The following XKR6 variants were observed in gnomAD, a reference collection of about 807,000 sequenced individuals.
The protein encoded by XKR6 is XK related 6, also known as XK-related protein 6.
A neutral mutation model predicts 56.7 loss-of-function variants in XKR6; 22 were observed. That is an observed-to-expected ratio of 0.39 (90% CI 0.28 to 0.55). The LOEUF (loss-of-function observed/expected upper bound fraction) is 0.55, where lower values mean the gene tolerates loss of function less well. Ranked by LOEUF, XKR6 falls within the 20% of genes least tolerant of loss-of-function variation. The pLI, the probability that XKR6 is intolerant of heterozygous loss-of-function variation, is 0.66. For missense variants in XKR6, 852 were observed against 889.0 expected (o/e 0.96, Z 0.53); for synonymous variants, 524 against 387.8 (o/e 1.35, Z -4.13).
chr8:11,008,272 A>G (rs1798418647), intron 1 of XKR6, among the ~76,000 whole-genome samples: 1 of 152,160 alleles, frequency 6.6e-6, no homozygotes, highest in Non-Finnish European at 1.5e-5. Context: ...ACATGATGCA[A>G]AAAGGCCCAA....
chr8:11,083,026 C>T (rs1384094591), intron 1 of XKR6, among the ~76,000 whole-genome samples: 2 of 152,352 alleles, frequency 1.3e-5, no homozygotes, highest in Middle Eastern at 6.8e-3. Context: ...CACAGCACTC[C>T]GTGTGCTTTA....
chr8:11,085,498 GC>G (rs1563126009), intron 1 of XKR6, among the ~76,000 whole-genome samples: 1 of 152,102 alleles, frequency 6.6e-6, no homozygotes, highest in Admixed American at 6.6e-5. Flanking sequence ...CTGTGCTTGT[GC>G]ATGCGTGGGC....
chr8:10,999,601 C>T (rs1798193021), intron 1 of XKR6, among the ~76,000 whole-genome samples: 1 of 152,194 alleles, frequency 6.6e-6, no homozygotes, highest in Non-Finnish European at 1.5e-5. Context: ...GGAGTATCCT[C>T]TCCTCCCATA....
At chr8:10,931,692 A>G (rs1563295614) in intron 1 of XKR6, among the ~76,000 whole-genome samples, 2 of 152,232 alleles carry the variant, frequency 1.3e-5, no homozygotes, top group South Asian at 4.1e-4. Context: ...TAAGTCATTC[A>G]TATGCAACAA....
chr8:11,164,440 T>G (rs1328603598), intron 1 of XKR6, among the ~76,000 whole-genome samples: 1 of 152,194 alleles, frequency 6.6e-6, no homozygotes, highest in African/African-American at 2.4e-5. Context: ...ATTCTAAGTC[T>G]TCTCCCCTAT....
At chr8:11,108,307 TAA>T (rs1290873819) in intron 1 of XKR6, 2 of 456,152 alleles carry the variant, frequency 4.4e-6, no homozygotes, top group South Asian at 1.5e-5. Flanking sequence ...GCTGCAGATT[TAA>T]GTGTTATGAA....
intron 2 of XKR6, among the ~76,000 whole-genome samples, chr8:10,912,173 A>T (rs1406935334): frequency 6.7e-6 from 1 of 148,728 alleles, no homozygotes; most frequent in Non-Finnish European, 1.5e-5. Flanking sequence ...ATATATATAG[A>T]GGGTATGTGT....
intron 1 of XKR6, among the ~76,000 whole-genome samples, chr8:11,058,501 G>A (rs1369585687): frequency 6.6e-6 from 1 of 152,200 alleles, no homozygotes; most frequent in Non-Finnish European, 1.5e-5. Flanking sequence ...GGAATACTAT[G>A]CAGCCATAAA....
At chr8:11,030,508 A>C (rs1270355115) in intron 1 of XKR6, among the ~76,000 whole-genome samples, 1 of 152,180 alleles carries the variant, frequency 6.6e-6, no homozygotes, top group Non-Finnish European at 1.5e-5. Flanking sequence ...AAGTAAGCCT[A>C]GTGACAACCC....
chr8:11,199,164 G>C (rs1276293417), intron 1 of XKR6, among the ~76,000 whole-genome samples: 4 of 152,164 alleles, frequency 2.6e-5, no homozygotes, highest in Non-Finnish European at 4.4e-5. Context: ...AAAAAAAGCT[G>C]TTTGGTTCAG....
intron 1 of XKR6, among the ~76,000 whole-genome samples, chr8:11,034,383 T>C (rs1013456604): frequency 6.6e-6 from 1 of 151,976 alleles, no homozygotes; most frequent in East Asian, 1.9e-4. Flanking sequence ...TGGGTAAAGG[T>C]ACAAGGCAAA....
At chr8:10,958,578 G>A (rs1801966979) in intron 1 of XKR6, among the ~76,000 whole-genome samples, 1 of 152,182 alleles carries the variant, frequency 6.6e-6, no homozygotes, top group Non-Finnish European at 1.5e-5. Context: ...AAAGAAGTCA[G>A]AAAAGACAGG....
At chr8:10,918,781 C>G (rs1481622336) in intron 2 of XKR6, among the ~76,000 whole-genome samples, 1 of 152,200 alleles carries the variant, frequency 6.6e-6, no homozygotes, top group East Asian at 1.9e-4. Flanking sequence ...CCAACACACC[C>G]AGTGAGAAAC....
At chr8:10,922,733 G>T (rs1247569410) in intron 2 of XKR6, among the ~76,000 whole-genome samples, 1 of 152,206 alleles carries the variant, frequency 6.6e-6, no homozygotes, top group Non-Finnish European at 1.5e-5. Flanking sequence ...GCATCCTGAA[G>T]ATGGAGCATC....
intron 1 of XKR6, among the ~76,000 whole-genome samples, chr8:10,941,245 C>T (rs1801377394): frequency 6.6e-6 from 1 of 152,198 alleles, no homozygotes. Flanking sequence ...GGCAACCCTT[C>T]AGCCCTTGAC....
chr8:11,065,416 C>T (rs1236501355), intron 1 of XKR6, among the ~76,000 whole-genome samples: 4 of 152,190 alleles, frequency 2.6e-5, no homozygotes, highest in Non-Finnish European at 2.9e-5. Flanking sequence ...CGTCATATGA[C>T]CCAGCTCTCT....
chr8:10,968,288 C>T (rs1041527195), intron 1 of XKR6, among the ~76,000 whole-genome samples: 5 of 152,240 alleles, frequency 3.3e-5, no homozygotes, highest in Non-Finnish European at 7.3e-5. Flanking sequence ...AGTGCCTCTG[C>T]AGATTGGACT....
chr8:11,079,872 C>T (rs1797659110), intron 1 of XKR6, among the ~76,000 whole-genome samples: 1 of 152,098 alleles, frequency 6.6e-6, no homozygotes, highest in Non-Finnish European at 1.5e-5. Flanking sequence ...AAGGCTGAGG[C>T]AGGAGGATCA....
At chr8:11,133,403 G>C (rs921822733) in intron 1 of XKR6, among the ~76,000 whole-genome samples, 1 of 152,122 alleles carries the variant, frequency 6.6e-6, no homozygotes, top group African/African-American at 2.4e-5. Context: ...CTGGGGCACA[G>C]CATGTGAACA....
Sources: allele counts gnomAD v4.1 joint callset (sites outside exome capture counted in the v4.1 genomes callset), GRCh38; gene constraint gnomAD v4.1.1; transcripts MANE v1.5; gene names NCBI Gene and HGNC (gene_info 2026-07-23, HGNC 2026-07-21).